Variants in SRGAP3 observed in about 807,000 individuals in gnomAD.
The protein encoded by SRGAP3 is SLIT-ROBO Rho GTPase-activating protein 3.
In SRGAP3, 39 loss-of-function variants were observed where a neutral mutation model predicts 121.1. That is an observed-to-expected ratio of 0.32 (90% CI 0.25 to 0.42). The LOEUF is 0.42. SRGAP3 is among the 10% of genes least tolerant of loss of function. The pLI is 1.00. For missense variants in SRGAP3, 1,213 were observed against 1,470.6 expected, an observed-to-expected ratio of 0.82 and a Z score of 2.86; for synonymous variants, 601 against 570.0, an observed-to-expected ratio of 1.05 and a Z score of -0.77.
chr3:9,281,251 G>A (rs977470469), intron 3 of SRGAP3, among the ~76,000 whole-genome samples: 13 of 152,172 alleles, frequency 8.5e-5, no homozygotes, highest in Admixed American at 6.6e-5. Flanking sequence ...CCTACTGGGA[G>A]CTTCCTGAAG....
At chr3:9,281,619 T>A (rs1954680898) in intron 3 of SRGAP3, among the ~76,000 whole-genome samples, 1 of 152,120 alleles carries the variant, frequency 6.6e-6, no homozygotes, top group Non-Finnish European at 1.5e-5. Context: ...AACAAAGTAA[T>A]TTATGTAGTG....
intron 3 of SRGAP3, among the ~76,000 whole-genome samples, chr3:9,290,778 C>G (rs1294178337): frequency 2.6e-5 from 4 of 152,168 alleles, no homozygotes; most frequent in Non-Finnish European, 4.4e-5. Context: ...ACACTAAACT[C>G]CCAGAGCCGT....
At chr3:9,242,697 C>A (rs529158732) in intron 1 of SRGAP3, among the ~76,000 whole-genome samples, 1 of 152,164 alleles carries the variant, frequency 6.6e-6, no homozygotes, top group East Asian at 1.9e-4. Context: ...AAAACTTTTT[C>A]TTTTTTTGAG....
At chr3:9,288,835 C>A (rs1954826966) in intron 3 of SRGAP3, among the ~76,000 whole-genome samples, 1 of 152,256 alleles carries the variant, frequency 6.6e-6, no homozygotes, top group Non-Finnish European at 1.5e-5. Flanking sequence ...CTCAGCCTCC[C>A]AAAGTGCTGG....
At chr3:9,054,283 G>A (rs1232827629) in intron 8 of SRGAP3, among the ~76,000 whole-genome samples, 1 of 152,170 alleles carries the variant, frequency 6.6e-6, no homozygotes, top group Non-Finnish European at 1.5e-5. Flanking sequence ...TGTTAGAACA[G>A]ACTCTTTAAG....
intron 1 of SRGAP3, among the ~76,000 whole-genome samples, chr3:9,141,378 T>C (rs1949840516): frequency 6.6e-6 from 1 of 152,180 alleles, no homozygotes; most frequent in African/African-American, 2.4e-5. Flanking sequence ...CCCAAATATT[T>C]TATGCACATT....
intron 1 of SRGAP3, among the ~76,000 whole-genome samples, chr3:9,238,528 G>A (rs1238534004): frequency 1.3e-5 from 2 of 152,258 alleles, no homozygotes; most frequent in East Asian, 3.9e-4. Flanking sequence ...AGATTTCCTA[G>A]ACCAAAGTGG....
chr3:9,106,951 C>G (rs1948439482), intron 2 of SRGAP3, among the ~76,000 whole-genome samples: 1 of 146,064 alleles, frequency 6.8e-6, no homozygotes. Flanking sequence ...TCTCCTGGGG[C>G]TTGGGAAGGT....
intron 3 of SRGAP3, among the ~76,000 whole-genome samples, chr3:9,323,600 G>A (rs1955470399): frequency 6.6e-6 from 1 of 151,626 alleles, no homozygotes; most frequent in Non-Finnish European, 1.5e-5. Context: ...TTGATCTCTG[G>A]GATCCAAGGA....
chr3:9,039,850 T>C (rs1370655956), intron 10 of SRGAP3, among the ~76,000 whole-genome samples: 1 of 152,370 alleles, frequency 6.6e-6, no homozygotes, highest in East Asian at 1.9e-4. Flanking sequence ...TTCCATCATA[T>C]GCACAGACCA....
chr3:9,002,119 A>C (rs1487045704), intron 18 of SRGAP3, among the ~76,000 whole-genome samples: 1 of 152,204 alleles, frequency 6.6e-6, no homozygotes, highest in African/African-American at 2.4e-5. Flanking sequence ...ATTCTTTCTA[A>C]CTGCACATGG....
chr3:9,167,803 G>C (rs1301557362), intron 1 of SRGAP3, among the ~76,000 whole-genome samples: 1 of 152,152 alleles, frequency 6.6e-6, no homozygotes, highest in Non-Finnish European at 1.5e-5. Flanking sequence ...CAAGAGCCCA[G>C]CCTAGATATC....
chr3:9,112,039 G>C (rs1431881379), intron 2 of SRGAP3, among the ~76,000 whole-genome samples: 1 of 152,202 alleles, frequency 6.6e-6, no homozygotes, highest in Non-Finnish European at 1.5e-5. Context: ...AGCTAGGGGA[G>C]CCAGGCCTTG....
chr3:9,170,514 G>A (rs1145144), intron 1 of SRGAP3, among the ~76,000 whole-genome samples: 49,201 of 151,966 alleles, frequency 0.32, 8,865 homozygotes, highest in Non-Finnish European at 0.42. Context: ...GCAGAGGTGG[G>A]CTGCTTTTTA....
chr3:9,331,330 T>C (rs1486193065), intron 1 of SRGAP3, among the ~76,000 whole-genome samples: 1 of 152,252 alleles, frequency 6.6e-6, no homozygotes, highest in Non-Finnish European at 1.5e-5. Context: ...ACTATTATTA[T>C]TCCTACTTTA....
intron 3 of SRGAP3, among the ~76,000 whole-genome samples, chr3:9,297,176 C>T (rs899935286): frequency 2.0e-5 from 3 of 152,088 alleles, no homozygotes; most frequent in Admixed American, 6.5e-5. Context: ...GATTGAGTTA[C>T]GGGTTAACAG....
intron 3 of SRGAP3, among the ~76,000 whole-genome samples, chr3:9,090,960 C>T (rs1254446306): frequency 3.3e-5 from 5 of 151,950 alleles, no homozygotes; most frequent in Admixed American, 3.3e-4. Flanking sequence ...TTTTAAAGGG[C>T]GTGTGTCTAT....
chr3:9,207,266 G>A (rs1347630601), intron 1 of SRGAP3, among the ~76,000 whole-genome samples: 2 of 152,126 alleles, frequency 1.3e-5, no homozygotes, highest in Non-Finnish European at 2.9e-5. Context: ...CCTGCAAGCC[G>A]GTTTTATAAC....
At chr3:9,119,317 GC>G (rs1210294055) in intron 2 of SRGAP3, among the ~76,000 whole-genome samples, 1 of 152,174 alleles carries the variant, frequency 6.6e-6, no homozygotes, top group African/African-American at 2.4e-5. Context: ...TGCCTGGAGA[GC>G]TATACCCACA....
Sources: allele counts gnomAD v4.1 joint callset (sites outside exome capture counted in the v4.1 genomes callset), GRCh38; gene constraint gnomAD v4.1.1; transcripts MANE v1.5; gene names NCBI Gene and HGNC (gene_info 2026-07-23, HGNC 2026-07-21).